Variants in DISP3 observed in about 807,000 individuals in gnomAD.
DISP3 encodes the protein dispatched RND transporter family member 3, also known as protein dispatched homolog 3.
DISP3 carries 101 observed loss-of-function variants against 135.3 expected under a neutral mutation model. That is an observed-to-expected ratio of 0.75 (90% CI 0.64 to 0.88). The LOEUF (loss-of-function observed/expected upper bound fraction) is 0.88. Among genes scored for constraint, DISP3 ranks in the 40% least tolerant of loss-of-function variants. DISP3 has a pLI of 0.00. For missense variants in DISP3, 1,713 were observed against 1,878.6 expected, an observed-to-expected ratio of 0.91 and a Z score of 1.63; for synonymous variants, 856 against 817.0, an observed-to-expected ratio of 1.05 and a Z score of -0.81.
chr1:11,530,058 C>A (rs1642537132), intron 15 of DISP3, 99 bp downstream of exon 15: 4 of 1,474,586 alleles, frequency 2.7e-6, no homozygotes, highest in African/African-American at 2.8e-5. Flanking sequence ...CTCACACCCC[C>A]TCTTGGCTCC....
In DISP3 at chr1:11,515,369, T is replaced by C. The variant is rs749573775; in HGVS notation, c.1454T>C (p.Val485Ala). Residue 485 changes from valine (V) to alanine (A), a missense_variant and splice_region_variant, in exon 5 of 21, where the codon GTG becomes GCG. Physicochemically the swap from Val to Ala is moderately conservative, Grantham distance 64 (BLOSUM62 0). Around this residue, in one of 2 missense-constraint regions of DISP3, gnomAD observed 1,142 missense variants for 1,384.6 expected, o/e 0.82. Coordinates refer to ENST00000294484, the MANE Select transcript of DISP3 (RefSeq NM_020780.2). ...TCCCTGTGTCTCTTACCCTGCCCAG[T>C]GTTCCTGTCCTTCTTTGGGATTGCC... Reference protein sequence around the residue: ...ALVYILTSCSVFLSFFGIASI... With the variant: ...ALVYILTSCSAFLSFFGIASI... The C allele has an allele frequency of 3.7e-6, 6 of 1,614,218 alleles. No homozygotes were observed. In the South Asian group the frequency reaches 6.6e-5, roughly 18 times the overall value.
chr1:11,524,121 G>A (rs1642338428), intron 11 of DISP3, 66 bp downstream of exon 11: 3 of 1,240,044 alleles, frequency 2.4e-6, no homozygotes, highest in Non-Finnish European at 1.2e-6. Context: ...CCTGTAAGGA[G>A]AGCAGATAAA....
In DISP3 at chr1:11,489,201, T is replaced by A. The variant is rs534673999; in HGVS notation, c.-4+9829T>A. 8.5e-5 allele frequency among the ~76,000 whole-genome samples: 13 copies of A among 152,332 alleles called. No individual in the cohort carries two copies. In the South Asian group the frequency reaches 2.7e-3, roughly 32 times the overall value. On this transcript the variant is annotated intron_variant, in intron 1 of 20. Transcript: ENST00000294484. The stretch of plus-strand genomic sequence containing the variant: ...GGTACAGCCCTCTCCCAGAGCTCCA[T>A]CCCGAGTGCCTCATGGCGGCCCCTC...
At chr1:11,485,068 C>CT (rs774257685) in intron 1 of DISP3, among the ~76,000 whole-genome samples, 5 of 152,136 alleles carry the variant, frequency 3.3e-5, no homozygotes, top group African/African-American at 4.8e-5. Context: ...GGAAAGGTCT[C>CT]TGTCTCTGTC....
At chr1:11,486,204 C>T (rs1641032022) in intron 1 of DISP3, among the ~76,000 whole-genome samples, 1 of 152,126 alleles carries the variant, frequency 6.6e-6, no homozygotes, top group African/African-American at 2.4e-5. Context: ...GAGACTTGCA[C>T]CCCTCTGGAC....
At chr1:11,496,634 A>G (rs1055520977) in intron 1 of DISP3, among the ~76,000 whole-genome samples, 1 of 152,086 alleles carries the variant, frequency 6.6e-6, no homozygotes, top group African/African-American at 2.4e-5. Flanking sequence ...CAAATTTACA[A>G]TTTGCTGCCC....
intron 19 of DISP3, 98 bp from the exon 20 acceptor site, chr1:11,535,380 T>A: frequency 6.8e-7 from 1 of 1,473,092 alleles, no homozygotes; most frequent in Non-Finnish European, 9.1e-7. Flanking sequence ...TTGTTTCTCC[T>A]GTCACCTGAG....
chr1:11,501,828 TC>T lies in DISP3; in HGVS notation c.838del (p.Leu280TrpfsTer61). 1 of 1,611,222 alleles carries T rather than the reference TC, an allele frequency of 6.2e-7. No homozygotes were observed. The highest frequency in any genetic ancestry group is 8.5e-7 in the Non-Finnish European group (1 of 1,178,770). ...THAHWRIELIFLARGDAERNI... is the reference protein window; with the variant it reads ...THAHWRIELIXLARGDAERNI... ...GCGCACTGGCGCATCGAGCTCATCT[TC>T]CTGGCGCGCGGCGACGCGGAGCGCA... On this transcript the variant is annotated frameshift_variant, in exon 2 of 21. Coordinates refer to ENST00000294484, the MANE Select transcript of DISP3 (RefSeq NM_020780.2). LOFTEE classifies it high-confidence loss of function. This position sits in a 1 kb window ranked among gnomAD's most constrained non-coding sequence, Gnocchi z 4.9.
chr1:11,530,671 G>A (rs1374614102), intron 15 of DISP3, among the ~76,000 whole-genome samples: 1 of 151,988 alleles, frequency 6.6e-6, no homozygotes, highest in Non-Finnish European at 1.5e-5. Flanking sequence ...GGAAGGGGAG[G>A]AGGTGAAACA....
intron 1 of DISP3, among the ~76,000 whole-genome samples, chr1:11,485,908 C>T (rs1641025310): frequency 6.6e-6 from 1 of 152,184 alleles, no homozygotes; most frequent in African/African-American, 2.4e-5. Flanking sequence ...CTGAGCCCCA[C>T]ACTCTGGCCT....
chr1:11,510,330 C>G (rs1187877047), intron 3 of DISP3, among the ~76,000 whole-genome samples: 2 of 151,630 alleles, frequency 1.3e-5, no homozygotes, highest in African/African-American at 4.9e-5. Context: ...TATGTTGTAA[C>G]TCTTTTAGTA....
chr1:11,501,289 G>A lies in DISP3; in HGVS notation c.297G>A (p.Leu99=). The A allele has an allele frequency of 1.2e-6, 2 of 1,614,074 alleles. No homozygotes were observed. The highest frequency in any genetic ancestry group is 1.7e-6 in the Non-Finnish European group (2 of 1,180,030). ...SAFMFLYYPP[L]DIDISYNAFE... ...TCATGTTCCTTTACTACCCACCGCT[G>A]GACATTGACATCTCCTACAACGCCT... The change falls in exon 2 of 21, where the codon CTG becomes CTA. Residue 99 remains leucine (L), a synonymous_variant. Coordinates refer to ENST00000294484, the MANE Select transcript of DISP3 (RefSeq NM_020780.2). This position sits in a 1 kb window ranked among gnomAD's most constrained non-coding sequence, Gnocchi z 4.9.
intron 3 of DISP3, among the ~76,000 whole-genome samples, chr1:11,505,831 C>G (rs1249353955): frequency 1.3e-5 from 2 of 152,152 alleles, no homozygotes; most frequent in Non-Finnish European, 2.9e-5. Context: ...TATTTATTCA[C>G]ATATTTACCG....
chr1:11,526,507 C>T, intron 12 of DISP3, 144 bp from the exon 13 acceptor site: 1 of 909,768 alleles, frequency 1.1e-6, no homozygotes, highest in East Asian at 2.4e-5. Context: ...CCTCCCAAGC[C>T]TCTGCCCAGG....
chr1:11,500,786 T>A (rs2100403742), intron 1 of DISP3, among the ~76,000 whole-genome samples: 1 of 152,354 alleles, frequency 6.6e-6, no homozygotes, highest in Non-Finnish European at 1.5e-5. Context: ...GGAGAAGTGA[T>A]GGGCAAATAA....
At chr1:11,497,932 C>T (rs1217493789) in intron 1 of DISP3, among the ~76,000 whole-genome samples, 7 of 152,226 alleles carry the variant, frequency 4.6e-5, no homozygotes, top group Admixed American at 1.3e-4. Context: ...ACTGCCCCCC[C>T]TCCCCAAGGG....
chr1:11,530,947 A>C lies in DISP3; in HGVS notation c.3143A>C (p.Glu1048Ala). Reference sequence around the variant, plus strand: ...GACAGCAGCTTTGACCTCTTCAAGGAAATTGGGCACCTGTGTCACCTCTGC... The same window carrying C: ...GACAGCAGCTTTGACCTCTTCAAGGCAATTGGGCACCTGTGTCACCTCTGC... ...VYDSSFDLFK[E>A]IGHLCHLCKA... The change falls in exon 16 of 21, where the codon GAA (glutamate) becomes GCA (alanine). Residue 1048 changes from glutamate (E) to alanine (A), a missense_variant. Coordinates refer to ENST00000294484, the MANE Select transcript of DISP3 (RefSeq NM_020780.2). 6.2e-7 allele frequency: 1 copy of C among 1,613,948 alleles called. No homozygotes were observed. The highest frequency in any genetic ancestry group is 8.5e-7 in the Non-Finnish European group (1 of 1,179,980).
chr1:11,531,556 TC>T lies in DISP3; in HGVS notation c.3230-5del, dbSNP rs917426842. 6.8e-6 allele frequency: 11 copies of T among 1,613,122 alleles called. No individual in the cohort carries two copies. Among genetic ancestry groups the T allele is most frequent in the Non-Finnish European group, 9.3e-6 (11 of 1,179,946 alleles). On this transcript the variant is annotated splice_region_variant and splice_polypyrimidine_tract_variant and intron_variant, in intron 16 of 20. Coordinates refer to ENST00000294484, the MANE Select transcript of DISP3 (RefSeq NM_020780.2). This position sits in a 1 kb window ranked among gnomAD's most constrained non-coding sequence, Gnocchi z 5.2. ...CACCACGCACTCCCTTTCTTGCCTC[TC>T]CCCGCAGGCTACAGCATCTCCTCCT... is the stretch of plus-strand genomic sequence containing the variant.
rs1381521290 is a variant in DISP3, at chr1:11,516,896, C to T, written c.1750-567C>T. 6.6e-6 allele frequency among the ~76,000 whole-genome samples: 1 copy of T among 152,156 alleles called. No individual in the cohort carries two copies. Among genetic ancestry groups the T allele is most frequent in the African/African-American group, 2.4e-5 (1 of 41,420 alleles). On this transcript the variant is annotated intron_variant, in intron 6 of 20. Coordinates refer to ENST00000294484, the MANE Select transcript of DISP3 (RefSeq NM_020780.2). This position sits in a 1 kb window ranked among gnomAD's most constrained non-coding sequence, Gnocchi z 5.1. ...TGACCTCTCTGAGCCTCGCTTTCCT[C>T]ATGTGTGGATTATCCAGGGACTGAG...
Sources: gnomAD v4.1 joint callset for allele counts (sites outside exome capture counted in the v4.1 genomes callset) on GRCh38, gnomAD v4.1.1 for gene constraint, gnomAD v4.1.1 regional missense constraint, Gnocchi (gnomAD v3.1) non-coding constraint, MANE v1.5 for transcripts, NCBI Gene and HGNC (gene_info 2026-07-23, HGNC 2026-07-21) for gene names.